The following SHCBP1 variants were observed in gnomAD, a reference collection of about 807,000 sequenced individuals.
The protein encoded by SHCBP1 is SHC binding and spindle associated 1.
In SHCBP1, 60 loss-of-function variants were observed where a neutral mutation model predicts 75.1. The ratio of observed to expected loss-of-function variants is 0.80; its 90% CI spans 0.65 to 0.99. SHCBP1 has a LOEUF of 0.99. Among genes scored for constraint, SHCBP1 ranks in the 50% least tolerant of loss-of-function variants. The pLI is 0.00. For synonymous variants in SHCBP1, 290 were observed against 293.2 expected (o/e 0.99, Z 0.11); for missense variants, 709 against 809.4 (o/e 0.88, Z 1.50).
intron 5 of SHCBP1, among the ~76,000 whole-genome samples, chr16:46,605,662 C>T (rs1248573235): frequency 2.6e-5 from 4 of 152,088 alleles, no homozygotes; most frequent in Non-Finnish European, 5.9e-5. Context: ...GGTCTCTGGA[C>T]ATACAAGGGT....
intron 10 of SHCBP1, among the ~76,000 whole-genome samples, chr16:46,592,402 T>A (rs1198766049): frequency 2.0e-5 from 3 of 152,162 alleles, no homozygotes; most frequent in Non-Finnish European, 2.9e-5. Flanking sequence ...ATACTCAATA[T>A]GAAATAGGTC....
At chr16:46,610,748 G>A (rs975548531) in intron 4 of SHCBP1, among the ~76,000 whole-genome samples, 1 of 151,156 alleles carries the variant, frequency 6.6e-6, no homozygotes, top group African/African-American at 2.4e-5. Flanking sequence ...CAGTAGAGAT[G>A]GGGTTTCGCC....
At chr16:46,614,423 G>T in intron 4 of SHCBP1, among the ~76,000 whole-genome samples, 1 of 152,128 alleles carries the variant, frequency 6.6e-6, no homozygotes, top group Non-Finnish European at 1.5e-5. Flanking sequence ...TTTTTAAATA[G>T]CTACAAGTAA....
At chr16:46,594,211 AAC>A (rs1965098349) in intron 10 of SHCBP1, among the ~76,000 whole-genome samples, 1 of 152,212 alleles carries the variant, frequency 6.6e-6, no homozygotes, top group South Asian at 2.1e-4. Context: ...TTATCACCAA[AAC>A]CTCAACTCAT....
intron 10 of SHCBP1, among the ~76,000 whole-genome samples, chr16:46,594,873 G>A (rs374169126): frequency 5.9e-5 from 9 of 152,142 alleles, no homozygotes; most frequent in East Asian, 5.8e-4. Context: ...AAAACAAACC[G>A]TGGAACAACC....
At position 46,587,860 on chromosome 16, in the gene SHCBP1, C is replaced by T. The variant is rs144039911; in HGVS notation, c.1465-3771G>A. On this transcript the variant is annotated intron_variant, in intron 10 of 12. Transcript: ENST00000303383. ...CTCCACCCCAAATCAACAAAATATACATTCTTCACAGCACCACATCACACT... is the reference window on the plus strand; with the variant it reads ...CTCCACCCCAAATCAACAAAATATATATTCTTCACAGCACCACATCACACT... Among the ~76,000 whole-genome samples the T allele has an allele frequency of 4.0e-3, 607 of 152,322 alleles. 4 individuals are homozygous for T. Among genetic ancestry groups the T allele is most frequent in the African/African-American group, 0.014 (591 of 41,564 alleles).
At chr16:46,617,274 T>G (rs1056703808) in intron 3 of SHCBP1, among the ~76,000 whole-genome samples, 1 of 152,114 alleles carries the variant, frequency 6.6e-6, no homozygotes, top group African/African-American at 2.4e-5. Flanking sequence ...ACAGTGAGAC[T>G]TCATCTTAAA....
intron 9 of SHCBP1, among the ~76,000 whole-genome samples, chr16:46,599,101 CAAT>C (rs1283639610): frequency 6.6e-6 from 1 of 152,192 alleles, no homozygotes; most frequent in Non-Finnish European, 1.5e-5. Context: ...TCCATATTAG[CAAT>C]AAGACTGTTT....
At chr16:46,615,842 G>A in intron 4 of SHCBP1, 104 bp downstream of exon 4, 1 of 959,746 alleles carries the variant, frequency 1.0e-6, no homozygotes, top group Admixed American at 2.0e-5. Flanking sequence ...CAATGACCAA[G>A]TTTACAGTTG....
chr16:46,621,028 G>A (rs1340759496), intron 1 of SHCBP1: 2 of 439,176 alleles, frequency 4.6e-6, no homozygotes, highest in Admixed American at 4.0e-5. Flanking sequence ...GCGGAGGCCA[G>A]AGAGTGCAGG....
chr16:46,611,508 A>G (rs1341407046), intron 4 of SHCBP1, among the ~76,000 whole-genome samples: 1 of 152,210 alleles, frequency 6.6e-6, no homozygotes, highest in Admixed American at 6.5e-5. Context: ...TTCACCAAAA[A>G]TTGGAAATTG....
intron 9 of SHCBP1, 32 bp from the exon 10 acceptor site, chr16:46,595,702 G>A: frequency 3.3e-6 from 5 of 1,528,128 alleles, no homozygotes; most frequent in Non-Finnish European, 4.5e-6. Flanking sequence ...ACTGTTTTAA[G>A]AAGTAATGTG....
At chr16:46,604,180 A>C (rs554579895) in intron 6 of SHCBP1, 37 bp from the exon 7 acceptor site, 1 of 1,613,012 alleles carries the variant, frequency 6.2e-7, no homozygotes, top group Admixed American at 1.7e-5. Context: ...GTAAGACAGC[A>C]AGTAAGAAAA....
Position 46,588,543 on chromosome 16 carries a change from C to T in SHCBP1, c.1465-4454G>A, listed in dbSNP as rs560300848. Among the ~76,000 whole-genome samples, 32 of 152,276 alleles carry T rather than the reference C, an allele frequency of 2.1e-4. No individual in the cohort carries two copies. The South Asian group carries it at 6.6e-3, about 32-fold the overall frequency. ...CTACCATCAGAGAACACTATAAACA[C>T]CTCTATGCAAATAAACTAGAAAATC... On this transcript the variant is annotated intron_variant, in intron 10 of 12. Coordinates refer to ENST00000303383, the MANE Select transcript of SHCBP1 (RefSeq NM_024745.5).
At chr16:46,621,214 T>G (rs1405924087) in intron 1 of SHCBP1, 43 bp downstream of exon 1, 1 of 1,565,944 alleles carries the variant, frequency 6.4e-7, no homozygotes, top group South Asian at 1.1e-5. Context: ...GCCCCAGGCC[T>G]CCGCTCAGAG....
chr16:46,596,873 G>A lies in SHCBP1; in HGVS notation c.1346-1203C>T, dbSNP rs557016537. On this transcript the variant is annotated intron_variant, in intron 9 of 12. Coordinates refer to ENST00000303383, the MANE Select transcript of SHCBP1 (RefSeq NM_024745.5). ...CTCCAGAGTAGATGGCATCATAGGCGTGTATCACCACACCTGGCTAGTTTT... is the reference window on the plus strand; with the variant it reads ...CTCCAGAGTAGATGGCATCATAGGCATGTATCACCACACCTGGCTAGTTTT... Among the ~76,000 whole-genome samples the A allele has an allele frequency of 4.9e-3, 734 of 151,136 alleles. 8 individuals are homozygous for A. The highest frequency in any genetic ancestry group is 6.5e-3 in the Non-Finnish European group (442 of 67,852).
intron 9 of SHCBP1, among the ~76,000 whole-genome samples, chr16:46,598,083 C>A (rs7198683): frequency 0.98 from 148,820 of 152,268 alleles, 72,799 homozygotes; most frequent in East Asian, 1. Flanking sequence ...TTACTTCCTC[C>A]ATTCAAGTCT....
chr16:46,600,079 C>T (rs2142999996), intron 8 of SHCBP1, 117 bp from the exon 9 acceptor site: 3 of 1,150,926 alleles, frequency 2.6e-6, no homozygotes, highest in East Asian at 5.2e-5. Flanking sequence ...GACCAGTCAA[C>T]CATGTTGCAT....
At chr16:46,589,547 C>T (rs1965007406) in intron 10 of SHCBP1, among the ~76,000 whole-genome samples, 1 of 152,142 alleles carries the variant, frequency 6.6e-6, no homozygotes, top group African/African-American at 2.4e-5. Flanking sequence ...AACAGAGAGT[C>T]AAATCATAAG....
Sources: gnomAD v4.1 joint callset for allele counts (sites outside exome capture counted in the v4.1 genomes callset) on GRCh38, gnomAD v4.1.1 for gene constraint, MANE v1.5 for transcripts, NCBI Gene and HGNC (gene_info 2026-07-23, HGNC 2026-07-21) for gene names.